Variants in CTNNA3 observed in about 807,000 individuals in gnomAD.
CTNNA3 encodes the protein catenin alpha 3.
Under a neutral mutation model 95.7 loss-of-function variants are expected in CTNNA3, and 76 were observed. That is an observed-to-expected ratio of 0.79 (90% CI 0.66 to 0.96). CTNNA3 has a LOEUF of 0.96. Among genes scored for constraint, CTNNA3 ranks in the 40% least tolerant of loss-of-function variants. The pLI is 0.00. For missense variants in CTNNA3, 1,191 were observed against 1,089.8 expected (o/e 1.09, Z -1.31); for synonymous variants, 431 against 374.4 (o/e 1.15, Z -1.74).
chr10:67,050,641 G>A (rs1418106413), intron 7 of CTNNA3, among the ~76,000 whole-genome samples: 1 of 152,154 alleles, frequency 6.6e-6, no homozygotes, highest in Admixed American at 6.5e-5. Context: ...TGATGTGATT[G>A]CCCAGACTCG....
rs1176919938 is a variant in CTNNA3 at position 67,538,157 on chromosome 10, T to TAAAAAAAAAA, written c.459+1336_459+1345dup. Among the ~76,000 whole-genome samples the TAAAAAAAAAA allele has an allele frequency of 3.5e-4, 21 of 59,170 alleles. 1 individual carries two copies. Among genetic ancestry groups the TAAAAAAAAAA allele is most frequent in the African/African-American group, 1.5e-3 (21 of 13,802 alleles). The allele number at this position is 59,170 out of a possible 152,430, so 38.8% of individuals were successfully genotyped here. On this transcript the variant is annotated intron_variant, in intron 4 of 17. Coordinates refer to ENST00000433211, the MANE Select transcript of CTNNA3 (RefSeq NM_013266.4). ...CCCTTTCCTAAAAAGCTACTTAAAC[T>TAAAAAAAAAA]AAAAAAAAAAAAAAAAAAAAAAAGG...
chr10:66,664,703 TG>T (rs1215938578), intron 9 of CTNNA3, among the ~76,000 whole-genome samples: 2 of 119,686 alleles, frequency 1.7e-5, no homozygotes, highest in African/African-American at 6.9e-5. Context: ...GCCCAGAAGC[TG>T]ATGTTGCTAG....
At chr10:66,298,863 G>A (rs1053014091) in intron 12 of CTNNA3, among the ~76,000 whole-genome samples, 2 of 152,104 alleles carry the variant, frequency 1.3e-5, no homozygotes, top group African/African-American at 2.4e-5. Context: ...TGAAACCTAC[G>A]AAAGGAAAAT....
chr10:66,311,592 A>C (rs2092021726), intron 12 of CTNNA3, among the ~76,000 whole-genome samples: 1 of 152,200 alleles, frequency 6.6e-6, no homozygotes, highest in African/African-American at 2.4e-5. Flanking sequence ...TTGACCCGCA[A>C]GCTCCAGCAG....
intron 3 of CTNNA3, among the ~76,000 whole-genome samples, chr10:67,558,800 C>A (rs1239977637): frequency 9.9e-5 from 15 of 152,214 alleles, no homozygotes; most frequent in Admixed American, 9.8e-4. Context: ...TGCGCTTTTC[C>A]AACGGGCTTA....
intron 12 of CTNNA3, among the ~76,000 whole-genome samples, chr10:66,374,606 CTTTTTTTTTTTT>C (rs58880058): frequency 3.4e-5 from 3 of 88,146 alleles, no homozygotes; most frequent in African/African-American, 5.6e-5. Context: ...AAAGAAAAGC[CTTTTTTTTTTTT>C]TTTTTTTTTT....
chr10:66,649,881 G>T (rs749904597), intron 9 of CTNNA3, among the ~76,000 whole-genome samples: 2 of 152,194 alleles, frequency 1.3e-5, no homozygotes, highest in Non-Finnish European at 2.9e-5. Context: ...CAGCCTCCAG[G>T]TTAAGCCCCA....
intron 5 of CTNNA3, among the ~76,000 whole-genome samples, chr10:67,228,904 T>C (rs1717799073): frequency 6.6e-6 from 1 of 152,116 alleles, no homozygotes; most frequent in African/African-American, 2.4e-5. Context: ...AAAGAATTAG[T>C]ACCAACCCTT....
At chr10:65,979,615 T>C (rs948337070) in intron 16 of CTNNA3, among the ~76,000 whole-genome samples, 5 of 152,230 alleles carry the variant, frequency 3.3e-5, no homozygotes, top group Non-Finnish European at 7.4e-5. Context: ...TTATACAAGA[T>C]AGCTCCTTCC....
intron 1 of CTNNA3, among the ~76,000 whole-genome samples, chr10:67,681,679 C>A (rs1177812951): frequency 2.6e-5 from 4 of 151,754 alleles, no homozygotes; most frequent in Admixed American, 1.3e-4. Flanking sequence ...CCTTTCTAAG[C>A]AAAACTCAAA....
intron 5 of CTNNA3, among the ~76,000 whole-genome samples, chr10:67,289,327 T>TA (rs1839736398): frequency 6.6e-6 from 1 of 152,158 alleles, no homozygotes; most frequent in Non-Finnish European, 1.5e-5. Context: ...GCCTAAGTTT[T>TA]AAAGTACATC....
intron 5 of CTNNA3, among the ~76,000 whole-genome samples, chr10:67,372,754 C>A (rs1188289152): frequency 6.6e-6 from 1 of 152,150 alleles, no homozygotes; most frequent in East Asian, 1.9e-4. Context: ...CAAAGGGAAG[C>A]CCATCAGACT....
At chr10:67,202,676 A>C (rs1863702519) in intron 6 of CTNNA3, among the ~76,000 whole-genome samples, 1 of 152,166 alleles carries the variant, frequency 6.6e-6, no homozygotes, top group Admixed American at 6.5e-5. Flanking sequence ...TCTAAAATAA[A>C]CATCATTCCA....
chr10:66,397,581 A>G (rs999756083), intron 11 of CTNNA3, among the ~76,000 whole-genome samples: 1 of 151,782 alleles, frequency 6.6e-6, no homozygotes, highest in Non-Finnish European at 1.5e-5. Context: ...CAGAGTTCCT[A>G]CTACAAGGTA....
intron 2 of CTNNA3, among the ~76,000 whole-genome samples, chr10:67,644,007 T>C (rs1316999046): frequency 6.6e-6 from 1 of 152,170 alleles, no homozygotes; most frequent in Admixed American, 6.5e-5. Flanking sequence ...TGTGCATGTG[T>C]ATTTATAGTA....
At chr10:66,968,578 TCTC>T (rs1307933983) in intron 7 of CTNNA3, among the ~76,000 whole-genome samples, 1 of 151,924 alleles carries the variant, frequency 6.6e-6, no homozygotes, top group Non-Finnish European at 1.5e-5. Flanking sequence ...AAAAAGGTTG[TCTC>T]CTCAGTGCCT....
intron 16 of CTNNA3, among the ~76,000 whole-genome samples, chr10:65,983,294 C>G (rs547406787): frequency 6.6e-6 from 1 of 151,726 alleles, no homozygotes; most frequent in African/African-American, 2.4e-5. Flanking sequence ...ACTGTTCTCT[C>G]CTGGTGCAAA....
intron 12 of CTNNA3, among the ~76,000 whole-genome samples, chr10:66,289,804 GT>G (rs2091649270): frequency 6.6e-6 from 1 of 151,986 alleles, no homozygotes; most frequent in African/African-American, 2.4e-5. Context: ...GTTTAAAGTA[GT>G]TATAGAAATC....
chr10:66,494,858 T>C (rs1171416946), intron 11 of CTNNA3, among the ~76,000 whole-genome samples: 5 of 152,204 alleles, frequency 3.3e-5, no homozygotes, highest in Admixed American at 3.3e-4. Context: ...TTAGGAATTA[T>C]CACTCCCATT....
Sources: gnomAD v4.1 joint callset for allele counts (sites outside exome capture counted in the v4.1 genomes callset) on GRCh38, gnomAD v4.1.1 for gene constraint, MANE v1.5 for transcripts, NCBI Gene and HGNC (gene_info 2026-07-23, HGNC 2026-07-21) for gene names.